The following TPRG1 variants were observed in gnomAD, a reference collection of about 807,000 sequenced individuals.
TPRG1 encodes tumor protein p63 regulated 1.
Under a neutral mutation model 29.3 loss-of-function variants are expected in TPRG1, and 29 were observed. That is an observed-to-expected ratio of 0.99 (90% CI 0.74 to 1.35). The LOEUF (loss-of-function observed/expected upper bound fraction) is 1.35, where lower values mean the gene tolerates loss of function less well. TPRG1 is among the 40% of genes most tolerant of loss of function. The pLI is 0.00. For synonymous variants in TPRG1, 130 were observed against 116.8 expected, an observed-to-expected ratio of 1.11 and a Z score of -0.73; for missense variants, 327 against 335.0, an observed-to-expected ratio of 0.98 and a Z score of 0.19.
chr3:189,013,758 AC>A (rs1233148831), intron 3 of TPRG1, among the ~76,000 whole-genome samples: 1 of 151,650 alleles, frequency 6.6e-6, no homozygotes, highest in Non-Finnish European at 1.5e-5. Flanking sequence ...ATATATATGA[AC>A]CCTCTACCCT....
At chr3:189,121,020 T>C (rs771261586) in intron 1 of TPRG1, among the ~76,000 whole-genome samples, 20 of 152,160 alleles carry the variant, frequency 1.3e-4, no homozygotes, top group Non-Finnish European at 1.8e-4. Flanking sequence ...CAGTACTACA[T>C]TGAGCAAAAA....
chr3:189,018,997 TG>T (rs1446269926), intron 3 of TPRG1, among the ~76,000 whole-genome samples: 2 of 152,206 alleles, frequency 1.3e-5, no homozygotes, highest in Admixed American at 1.3e-4. Context: ...GAAGCAATTG[TG>T]AATGGGAGTT....
Position 189,287,549 on chromosome 3 carries a change from C to T in TPRG1, c.480-22837C>T, listed in dbSNP as rs1447969617. On this transcript the variant is annotated intron_variant, in intron 4 of 5. Coordinates refer to ENST00000345063, the MANE Select transcript of TPRG1 (RefSeq NM_198485.4). ...AGTAGCTGGGACTACAGGCGCCCAC[C>T]ACCACACCTGGCTAATTTTTTGTAT... Among the ~76,000 whole-genome samples, 4 of 151,960 alleles carry T rather than the reference C, an allele frequency of 2.6e-5. 1 individual carries two copies. The highest frequency in any genetic ancestry group is 5.9e-5 in the Non-Finnish European group (4 of 67,948).
At chr3:189,144,848 C>T (rs946351186) in intron 3 of TPRG1, among the ~76,000 whole-genome samples, 3 of 152,178 alleles carry the variant, frequency 2.0e-5, no homozygotes, top group African/African-American at 7.2e-5. Flanking sequence ...CTTAACACGA[C>T]CTCTTGTGAC....
intron 4 of TPRG1, among the ~76,000 whole-genome samples, chr3:189,088,657 A>G (rs1336700755): frequency 2.0e-5 from 3 of 152,146 alleles, no homozygotes; most frequent in Non-Finnish European, 2.9e-5. Flanking sequence ...CTATATCTAT[A>G]TATTTTCACC....
chr3:189,322,201 C>T lies in TPRG1; in HGVS notation c.*1381C>T, dbSNP rs1360692321. ...TTGATGTTTAAGTTGAAATTCCAGC[C>T]AACTTTTTTTTGACTTTTATGTGAA... On this transcript the variant is annotated 3_prime_UTR_variant, in exon 6 of 6. Transcript: ENST00000345063. 2 of 152,000 alleles carry T rather than the reference C, an allele frequency of 1.3e-5. No individual in the cohort carries two copies. Among genetic ancestry groups the T allele is most frequent in the Non-Finnish European group, 2.9e-5 (2 of 67,972 alleles). The allele number at this position is 152,000 out of a possible 1,614,324, so 9.4% of individuals were successfully genotyped here. A position where few individuals can be genotyped will look rare whatever the true frequency, so the allele number is the denominator to read the frequency against.
At chr3:189,099,227 C>T (rs751430154), upstream of TPRG1, among the ~76,000 whole-genome samples, 5 of 152,134 alleles carry the variant, frequency 3.3e-5, no homozygotes, top group African/African-American at 4.8e-5. Context: ...GGCCTGAGAA[C>T]GCAGGAAGTT....
At chr3:189,079,409 C>T (rs1030894942) in intron 4 of TPRG1, among the ~76,000 whole-genome samples, 2 of 152,182 alleles carry the variant, frequency 1.3e-5, no homozygotes, top group Non-Finnish European at 2.9e-5. Flanking sequence ...TTATCACCCT[C>T]TAAATTGGAA....
chr3:189,223,457 A>C (rs1399478644), intron 3 of TPRG1, among the ~76,000 whole-genome samples: 1 of 152,190 alleles, frequency 6.6e-6, no homozygotes, highest in Non-Finnish European at 1.5e-5. Context: ...CACTTAATTA[A>C]ACACATTGCT....
intron 4 of TPRG1, among the ~76,000 whole-genome samples, chr3:189,282,974 G>A (rs1717415097): frequency 6.6e-6 from 1 of 152,206 alleles, no homozygotes; most frequent in African/African-American, 2.4e-5. Context: ...CTTGCATGCT[G>A]GGGCTGGTTT....
At position 189,320,770 on chromosome 3, in the gene TPRG1, A is replaced by G. The variant is rs199583992; in HGVS notation, c.778A>G (p.Asn260Asp). 6 of 1,610,348 alleles carry G rather than the reference A, an allele frequency of 3.7e-6. No homozygotes were observed. The East Asian group carries it at 1.1e-4, about 30-fold the overall frequency. Reference protein sequence around the residue: ...TYTGLMSFIGNRNKLGYSLAR... With the variant: ...TYTGLMSFIGDRNKLGYSLAR... Reference sequence around the variant, plus strand: ...CACAGGGCTGATGTCATTCATTGGAAACCGCAACAAACTTGGCTATTCCCT... The same window carrying G: ...CACAGGGCTGATGTCATTCATTGGAGACCGCAACAAACTTGGCTATTCCCT... Residue 260 changes from asparagine (N) to aspartate (D), a missense_variant, in exon 6 of 6, where the codon AAC becomes GAC. Transcript: ENST00000345063.
At chr3:189,238,634 T>G (rs1739951557) in intron 3 of TPRG1, 99 bp from the exon 4 acceptor site, 1 of 1,049,410 alleles carries the variant, frequency 9.5e-7, no homozygotes, top group Non-Finnish European at 1.4e-6. Flanking sequence ...TCTGAGTTGA[T>G]CAAACTTCAC....
chr3:189,254,831 A>G (rs1038445516), intron 4 of TPRG1, among the ~76,000 whole-genome samples: 9 of 152,058 alleles, frequency 5.9e-5, no homozygotes, highest in African/African-American at 2.2e-4. Context: ...TATGTCTATT[A>G]TTGGCGTATA....
At chr3:189,082,772 T>G (rs535017920) in intron 4 of TPRG1, among the ~76,000 whole-genome samples, 4 of 152,184 alleles carry the variant, frequency 2.6e-5, no homozygotes, top group Non-Finnish European at 5.9e-5. Flanking sequence ...AACCTGTAAC[T>G]GACACTTTAA....
intron 4 of TPRG1, among the ~76,000 whole-genome samples, chr3:189,246,848 G>T (rs1212255705): frequency 1.3e-5 from 2 of 152,116 alleles, no homozygotes; most frequent in African/African-American, 4.8e-5. Flanking sequence ...TCTGATGAGA[G>T]GTCCACAATG....
At chr3:189,002,039 C>T (rs1308329042) in intron 2 of TPRG1, among the ~76,000 whole-genome samples, 6 of 152,210 alleles carry the variant, frequency 3.9e-5, no homozygotes. Context: ...CAGGACAGCA[C>T]AACTAGTTAA....
At chr3:189,196,984 C>A (rs1423384659) in intron 1 of TPRG1, among the ~76,000 whole-genome samples, 1 of 152,116 alleles carries the variant, frequency 6.6e-6, no homozygotes, top group African/African-American at 2.4e-5. Flanking sequence ...AACAAAACTC[C>A]CAGGCAAGAA....
At chr3:189,291,776 A>G (rs1175556261) in intron 4 of TPRG1, among the ~76,000 whole-genome samples, 1 of 152,224 alleles carries the variant, frequency 6.6e-6, no homozygotes, top group Non-Finnish European at 1.5e-5. Context: ...TAGCTCCTGA[A>G]AACAACCCTG....
chr3:189,294,057 G>A lies in TPRG1; in HGVS notation c.480-16329G>A, dbSNP rs77992450. Among the ~76,000 whole-genome samples the A allele has an allele frequency of 8.7e-4, 132 of 152,234 alleles. 1 individual carries two copies. In the East Asian group the frequency reaches 0.023, roughly 27 times the overall value. On this transcript the variant is annotated intron_variant, in intron 4 of 5. Transcript: ENST00000345063. ...TGAGCTACACTGGAACATTCAACAC[G>A]TACCTTTTCTTCTGTGTATACTGTA...
Sources: gnomAD v4.1 joint callset for allele counts (sites outside exome capture counted in the v4.1 genomes callset) on GRCh38, gnomAD v4.1.1 for gene constraint, MANE v1.5 for transcripts, NCBI Gene and HGNC (gene_info 2026-07-23, HGNC 2026-07-21) for gene names.